Variants in TBC1D1 observed in about 807,000 individuals in gnomAD.
TBC1D1 encodes the protein TBC1 domain family member 1.
Under a neutral mutation model 125.6 loss-of-function variants are expected in TBC1D1, and 89 were observed. The observed-to-expected ratio is 0.71, with a 90% confidence interval of 0.60 to 0.85. TBC1D1 has a LOEUF of 0.85. Among genes scored for constraint, TBC1D1 ranks in the 40% least tolerant of loss-of-function variants. TBC1D1 has a pLI of 0.00. For missense variants in TBC1D1, 1,377 were observed against 1,469.2 expected, an observed-to-expected ratio of 0.94 and a Z score of 1.03; for synonymous variants, 565 against 564.1, an observed-to-expected ratio of 1.00 and a Z score of -0.02.
intron 2 of TBC1D1, among the ~76,000 whole-genome samples, 185 bp downstream of exon 2, chr4:37,902,697 CAG>C (rs1716345794): frequency 6.6e-6 from 1 of 152,192 alleles, no homozygotes; most frequent in South Asian, 2.1e-4. Context: ...CATTTGAAAA[CAG>C]ATACGAGAAA....
chr4:38,095,866 T>G (rs904740787), intron 13 of TBC1D1, 63 bp from the exon 16 acceptor site: 1 of 1,499,674 alleles, frequency 6.7e-7, no homozygotes, highest in African/African-American at 1.4e-5. Context: ...GGCAGCCATG[T>G]TGTGTAATGG....
At chr4:38,001,964 T>C (rs918118110) in intron 2 of TBC1D1, among the ~76,000 whole-genome samples, 2 of 152,226 alleles carry the variant, frequency 1.3e-5, no homozygotes, top group African/African-American at 2.4e-5. Context: ...GTGTTCTAAT[T>C]TATGCATTTG....
intron 19 of TBC1D1, among the ~76,000 whole-genome samples, chr4:38,136,748 G>A (rs1162172253): frequency 1.3e-5 from 2 of 152,188 alleles, no homozygotes; most frequent in Non-Finnish European, 2.9e-5. Flanking sequence ...TTGGCACAAC[G>A]GAAGTCTTTG....
At chr4:38,012,020 G>A (rs555905784) in intron 2 of TBC1D1, among the ~76,000 whole-genome samples, 48 of 152,342 alleles carry the variant, frequency 3.2e-4, no homozygotes, top group Admixed American at 1.8e-3. Flanking sequence ...AGATGCAGCA[G>A]AAGACACAGC....
intron 2 of TBC1D1, among the ~76,000 whole-genome samples, chr4:37,971,943 C>T (rs946974087): frequency 6.6e-6 from 1 of 152,124 alleles, no homozygotes; most frequent in Non-Finnish European, 1.5e-5. Context: ...TCACACCTTG[C>T]CCTCTTCACA....
At chr4:38,047,668 G>A (rs1329524818) in intron 10 of TBC1D1, among the ~76,000 whole-genome samples, 3 of 152,140 alleles carry the variant, frequency 2.0e-5, no homozygotes, top group Non-Finnish European at 2.9e-5. Flanking sequence ...GAGTGTGGTA[G>A]GAGCCCAGAA....
At chr4:37,963,934 G>A (rs970940070) in intron 2 of TBC1D1, among the ~76,000 whole-genome samples, 1 of 152,142 alleles carries the variant, frequency 6.6e-6, no homozygotes, top group Admixed American at 6.6e-5. Context: ...GTGACTACAG[G>A]GTCCCTGATG....
At position 38,137,855 on chromosome 4, in the gene TBC1D1, G is replaced by C. The variant is rs533896343; in HGVS notation, c.*520G>C. ...GATCATTGGGAAGATCAGTGATCTT[G>C]GGTCATTGATCCCTGGCTCAGAGGA... On this transcript the variant is annotated 3_prime_UTR_variant, in exon 20 of 20. Transcript: ENST00000261439. 6.5e-6 allele frequency: 1 copy of C among 152,956 alleles called. No individual in the cohort carries two copies. The highest frequency in any genetic ancestry group is 6.5e-5 in the Admixed American group (1 of 15,306). The allele number at this position is 152,956 out of a possible 1,614,324, so 9.5% of individuals were successfully genotyped here. A position where few individuals can be genotyped will look rare whatever the true frequency, so the allele number is the denominator to read the frequency against.
chr4:38,062,739 T>G (rs1261350115), intron 12 of TBC1D1, among the ~76,000 whole-genome samples: 1 of 152,018 alleles, frequency 6.6e-6, no homozygotes, highest in African/African-American at 2.4e-5. Flanking sequence ...TGTTAACAAT[T>G]GTGAGTTAAC....
At chr4:38,134,906 A>G (rs559785025) in intron 19 of TBC1D1, among the ~76,000 whole-genome samples, 2 of 152,342 alleles carry the variant, frequency 1.3e-5, no homozygotes, top group South Asian at 2.1e-4. Flanking sequence ...ACTGTGGTCT[A>G]TGCCAACCCA....
At chr4:37,899,845 G>A (rs1715451827) in intron 1 of TBC1D1, among the ~76,000 whole-genome samples, 1 of 152,246 alleles carries the variant, frequency 6.6e-6, no homozygotes, top group Non-Finnish European at 1.5e-5. Flanking sequence ...GTGTGGCCGG[G>A]CGCGGTGGCT....
At chr4:38,073,294 C>A (rs890811633) in intron 12 of TBC1D1, among the ~76,000 whole-genome samples, 1 of 152,218 alleles carries the variant, frequency 6.6e-6, no homozygotes, top group Non-Finnish European at 1.5e-5. Flanking sequence ...TTCTGGATTG[C>A]AGATTTTCTG....
At chr4:38,099,379 G>A (rs1180750268) in intron 14 of TBC1D1, among the ~76,000 whole-genome samples, 13 of 152,108 alleles carry the variant, frequency 8.5e-5, no homozygotes, top group African/African-American at 1.2e-4. Context: ...CGTATACATG[G>A]AAAAACACCC....
intron 2 of TBC1D1, among the ~76,000 whole-genome samples, chr4:38,008,833 C>T (rs1740887484): frequency 6.6e-6 from 1 of 152,168 alleles, no homozygotes; most frequent in Non-Finnish European, 1.5e-5. Flanking sequence ...TGTGTTCTGG[C>T]ACCTGTCACC....
chr4:37,947,019 G>T (rs1160752439), intron 2 of TBC1D1, among the ~76,000 whole-genome samples: 1 of 152,150 alleles, frequency 6.6e-6, no homozygotes, highest in Non-Finnish European at 1.5e-5. Context: ...ACAATAAAAA[G>T]GGATGGACGG....
chr4:38,042,286 A>G (rs1316914057), intron 8 of TBC1D1, among the ~76,000 whole-genome samples: 1 of 152,062 alleles, frequency 6.6e-6, no homozygotes, highest in African/African-American at 2.4e-5. Flanking sequence ...GACAAGTCTC[A>G]CGCTGTCACC....
At chr4:38,117,552 A>G (rs1387619955) in intron 16 of TBC1D1, among the ~76,000 whole-genome samples, 1 of 152,180 alleles carries the variant, frequency 6.6e-6, no homozygotes, top group Non-Finnish European at 1.5e-5. Flanking sequence ...TCTCCTGCCT[A>G]TTGAGTAATT....
chr4:37,983,852 A>G (rs1734893802), intron 2 of TBC1D1, among the ~76,000 whole-genome samples: 2 of 152,240 alleles, frequency 1.3e-5, no homozygotes. Flanking sequence ...ATCCAGCATT[A>G]TAATATCATA....
intron 7 of TBC1D1, among the ~76,000 whole-genome samples, chr4:38,032,634 A>G (rs953252457): frequency 8.5e-5 from 13 of 152,268 alleles, no homozygotes; most frequent in African/African-American, 2.9e-4. Flanking sequence ...GGAGATCAAG[A>G]CCATCCTGGC....
Sources: gnomAD v4.1 joint callset for allele counts (sites outside exome capture counted in the v4.1 genomes callset) on GRCh38, gnomAD v4.1.1 for gene constraint, MANE v1.5 for transcripts, NCBI Gene and HGNC (gene_info 2026-07-23, HGNC 2026-07-21) for gene names.